The following ERMARD variants were observed in gnomAD, a reference collection of about 807,000 sequenced individuals.
ERMARD encodes the protein endoplasmic reticulum membrane-associated RNA degradation protein.
A neutral mutation model predicts 83.9 loss-of-function variants in ERMARD; 71 were observed. The observed-to-expected ratio is 0.85, with a 90% CI of 0.70 to 1.03. ERMARD has a LOEUF of 1.03. Among genes scored for constraint, ERMARD ranks in the 50% least tolerant of loss-of-function variants. ERMARD has a pLI of 0.00. For missense variants in ERMARD, 838 were observed against 810.9 expected, an observed-to-expected ratio of 1.03 and a Z score of -0.41; for synonymous variants, 284 against 298.6, an observed-to-expected ratio of 0.95 and a Z score of 0.50.
At chr6:169,777,914 T>A (rs1008736673) in intron 16 of ERMARD, among the ~76,000 whole-genome samples, 1 of 152,252 alleles carries the variant, frequency 6.6e-6, no homozygotes, top group African/African-American at 2.4e-5. Context: ...ATTCATTCAT[T>A]CATTCATTTT....
intron 17 of ERMARD, 49 bp downstream of exon 17, chr6:169,779,344 T>C: frequency 1.3e-6 from 2 of 1,530,330 alleles, no homozygotes; most frequent in Middle Eastern, 3.4e-4. Context: ...GTGGGGCAGA[T>C]TGCGGGTGAG....
Position 169,776,559 on chromosome 6 carries a change from A to T in ERMARD, c.1625A>T (p.Gln542Leu). 1.9e-6 allele frequency: 3 copies of T among 1,614,226 alleles called. No homozygotes were observed. The highest frequency in any genetic ancestry group is 2.5e-6 in the Non-Finnish European group (3 of 1,180,044). Residue 542 changes from glutamine (Q) to leucine (L), a missense_variant, in exon 16 of 18, where the codon CAG becomes CTG. Coordinates refer to ENST00000366773, the MANE Select transcript of ERMARD (RefSeq NM_018341.3). ...VLVVLRSISEQCRRVSSQVTV... is the reference protein window; with the variant it reads ...VLVVLRSISELCRRVSSQVTV... ...GTTGTGCTCCGAAGCATCAGCGAAC[A>T]GTGCCGCCGTGTGTCCAGCCAGGTC...
chr6:169,756,202 GA>G, intron 3 of ERMARD, 135 bp from the exon 4 acceptor site: 1 of 465,662 alleles, frequency 2.1e-6, no homozygotes, highest in East Asian at 3.5e-5. Flanking sequence ...TAATTATACA[GA>G]AAATGTTTAC....
chr6:169,774,910 C>T (rs778627787), intron 13 of ERMARD, among the ~76,000 whole-genome samples: 4 of 152,222 alleles, frequency 2.6e-5, no homozygotes, highest in Non-Finnish European at 2.9e-5. Context: ...GCACCTCTGA[C>T]ATGGCTTTGG....
Position 169,760,710 on chromosome 6 carries a change from A to T in ERMARD, c.811A>T (p.Met271Leu), listed in dbSNP as rs1415341863. The change falls in exon 8 of 18, where the codon ATG becomes TTG. Residue 271 changes from methionine to leucine, a missense_variant. Coordinates refer to ENST00000366773, the MANE Select transcript of ERMARD (RefSeq NM_018341.3). ...GAAATCTGCTTTTATATTAAAAATC[A>T]TGTTACCATATTGGGAAGTTGCACT... The part of the protein sequence containing the change: ...MMKSAFILKI[M>L]LPYWEVALVK... 7 of 1,613,904 alleles carry T rather than the reference A, an allele frequency of 4.3e-6. No homozygotes were observed. Among genetic ancestry groups the T allele is most frequent in the Non-Finnish European group, 5.9e-6 (7 of 1,179,910 alleles).
At chr6:169,768,942 G>T (rs1792555182) in intron 11 of ERMARD, among the ~76,000 whole-genome samples, 2 of 152,290 alleles carry the variant, frequency 1.3e-5, no homozygotes, top group South Asian at 4.1e-4. Flanking sequence ...AGGCGACCTA[G>T]AATCATGCTC....
intron 10 of ERMARD, chr6:169,766,898 C>G: frequency 2.3e-6 from 1 of 440,892 alleles, no homozygotes; most frequent in Non-Finnish European, 4.0e-6. Context: ...TTGGAAAATA[C>G]CAAGGGATCT....
Position 169,759,904 on chromosome 6 carries a change from C to T in ERMARD, c.672C>T (p.Asn224=), listed in dbSNP as rs1301900768. The T allele has an allele frequency of 6.2e-7, 1 of 1,614,212 alleles. No individual in the cohort carries two copies. The highest frequency in any genetic ancestry group is 1.7e-5 in the Admixed American group (1 of 60,032). The change falls in exon 7 of 18, where the codon AAC becomes AAT. Residue 224 remains asparagine (N), a synonymous_variant. Transcript: ENST00000366773. ...LGQLLKSYLQ[N]TKLTLAHRSF... Reference sequence around the variant, plus strand: ...AGTTACTGAAGAGTTACCTTCAAAACACTAAACTTACATTGGCACATCGCT... The same window carrying T: ...AGTTACTGAAGAGTTACCTTCAAAATACTAAACTTACATTGGCACATCGCT...
In ERMARD at chr6:169,753,905, A is replaced by C; in HGVS notation, c.48A>C (p.Ser16=). The C allele has an allele frequency of 6.2e-7, 1 of 1,610,188 alleles. No homozygotes were observed. Among genetic ancestry groups the C allele is most frequent in the East Asian group, 2.2e-5 (1 of 44,802 alleles). The change falls in exon 2 of 18, where the codon TCA becomes TCC. Residue 16 remains serine (S), a synonymous_variant. Transcript: ENST00000366773. ...CTATTACCACATGTCTTTCTCCCTC[A>C]GTGTATGATATAATTTGTAATCTTG... ...GDPITTCLSP[S]VYDIICNLGF...
At chr6:169,773,826 C>T (rs775812054) in intron 13 of ERMARD, among the ~76,000 whole-genome samples, 4 of 152,122 alleles carry the variant, frequency 2.6e-5, no homozygotes, top group Non-Finnish European at 5.9e-5. Flanking sequence ...AGTGTTTCTG[C>T]CAGGAGGCTC....
intron 17 of ERMARD, among the ~76,000 whole-genome samples, chr6:169,779,526 G>T (rs1793970767): frequency 1.3e-5 from 2 of 151,944 alleles, no homozygotes; most frequent in African/African-American, 4.8e-5. Flanking sequence ...ACAGAGTCTT[G>T]TTCTGTTGCC....
intron 14 of ERMARD, 103 bp downstream of exon 14, chr6:169,775,449 G>C (rs1793473606): frequency 7.5e-7 from 1 of 1,336,312 alleles, no homozygotes; most frequent in Non-Finnish European, 1.0e-6. Context: ...AAAAGGGGAA[G>C]GAGGAATTTC....
At chr6:169,778,164 G>GC (rs1793810705) in intron 16 of ERMARD, among the ~76,000 whole-genome samples, 1 of 152,214 alleles carries the variant, frequency 6.6e-6, no homozygotes, top group Non-Finnish European at 1.5e-5. Flanking sequence ...TAACGAATGT[G>GC]CTTCTCCACA....
chr6:169,759,276 G>C (rs1403847216), intron 6 of ERMARD, among the ~76,000 whole-genome samples: 1 of 152,126 alleles, frequency 6.6e-6, no homozygotes, highest in Non-Finnish European at 1.5e-5. Flanking sequence ...GGCAATTCAG[G>C]GGTGACACCA....
At chr6:169,776,762 CAGT>C (rs1483822426) in intron 16 of ERMARD, 89 bp downstream of exon 16, 11 of 1,442,812 alleles carry the variant, frequency 7.6e-6, no homozygotes, top group Non-Finnish European at 9.5e-6. Flanking sequence ...CAGACACACA[CAGT>C]AGCCCCTCAC....
At chr6:169,772,292 G>A (rs1169536253) in intron 12 of ERMARD, among the ~76,000 whole-genome samples, 1 of 152,244 alleles carries the variant, frequency 6.6e-6, no homozygotes, top group East Asian at 1.9e-4. Context: ...TATGCTGCGT[G>A]TGTGTCTGCC....
chr6:169,752,614 CAG>C (rs1265479051), intron 1 of ERMARD, among the ~76,000 whole-genome samples: 1 of 152,194 alleles, frequency 6.6e-6, no homozygotes, highest in Non-Finnish European at 1.5e-5. Context: ...GAGGAGCAAA[CAG>C]GGCAACTGAT....
At chr6:169,762,582 T>C in intron 9 of ERMARD, 51 bp downstream of exon 9, 1 of 1,455,860 alleles carries the variant, frequency 6.9e-7, no homozygotes, top group Non-Finnish European at 9.5e-7. Context: ...TATTAACAGT[T>C]TTCTGTTACC....
intron 8 of ERMARD, among the ~76,000 whole-genome samples, chr6:169,761,125 C>T (rs1791495134): frequency 6.6e-6 from 1 of 152,200 alleles, no homozygotes; most frequent in Non-Finnish European, 1.5e-5. Flanking sequence ...ACCAGAAGGT[C>T]TGGTGAGCTG....
Sources: allele counts gnomAD v4.1 joint callset (sites outside exome capture counted in the v4.1 genomes callset), GRCh38; gene constraint gnomAD v4.1.1; transcripts MANE v1.5; gene names NCBI Gene and HGNC (gene_info 2026-07-23, HGNC 2026-07-21).